The following RORA variants were observed in gnomAD, a reference collection of about 807,000 sequenced individuals.
RORA encodes the protein RAR related orphan receptor A, also known as nuclear receptor ROR-alpha.
RORA carries 7 observed loss-of-function variants against 69.5 expected under a neutral mutation model. That is an observed-to-expected ratio of 0.10 (90% CI 0.06 to 0.19). RORA has a LOEUF of 0.19. Ranked by LOEUF, RORA falls within the 10% of genes least tolerant of loss-of-function variation. The pLI is 1.00. For synonymous variants in RORA, 261 were observed against 240.8 expected, an observed-to-expected ratio of 1.08 and a Z score of -0.78; for missense variants, 457 against 663.0, an observed-to-expected ratio of 0.69 and a Z score of 3.41.
At chr15:60,686,777 T>A (rs977322900) in intron 1 of RORA, 1 of 152,300 alleles carries the variant, frequency 6.6e-6, no homozygotes, top group African/African-American at 2.4e-5. Flanking sequence ...CGGCTATAGC[T>A]GCAGCCCCCA....
At chr15:60,536,170 C>A (rs188474566) in intron 2 of RORA, among the ~76,000 whole-genome samples, 4 of 152,290 alleles carry the variant, frequency 2.6e-5, no homozygotes, top group Admixed American at 6.5e-5. Context: ...CCTCTCTGAG[C>A]CTCAGTTTCA....
At chr15:60,557,002 C>T (rs763392352) in intron 2 of RORA, 88 of 1,250,574 alleles carry the variant, frequency 7.0e-5, no homozygotes, top group Admixed American at 9.3e-5. Flanking sequence ...ATGCATAGCA[C>T]ATCCCCAAAT....
intron 1 of RORA, among the ~76,000 whole-genome samples, chr15:61,041,704 G>T (rs760845762): frequency 6.6e-6 from 1 of 152,142 alleles, no homozygotes; most frequent in Non-Finnish European, 1.5e-5. Context: ...AATTACAGGC[G>T]CGAGCCACCA....
chr15:60,620,880 C>T (rs1318753906), intron 2 of RORA, among the ~76,000 whole-genome samples: 2 of 152,234 alleles, frequency 1.3e-5, no homozygotes, highest in East Asian at 1.9e-4. Flanking sequence ...TCAGAGCCGG[C>T]ACGGAAAGTT....
chr15:60,539,456 TC>T (rs2066788850), intron 2 of RORA, among the ~76,000 whole-genome samples: 1 of 152,238 alleles, frequency 6.6e-6, no homozygotes, highest in East Asian at 1.9e-4. Context: ...AACAGATTTT[TC>T]ATCTAGAAGA....
chr15:60,802,302 T>G (rs1299755752), intron 1 of RORA, among the ~76,000 whole-genome samples: 1 of 152,232 alleles, frequency 6.6e-6, no homozygotes, highest in Non-Finnish European at 1.5e-5. Flanking sequence ...AGACCGAGTG[T>G]TTGGGCTCCA....
intron 1 of RORA, among the ~76,000 whole-genome samples, chr15:60,797,422 G>A (rs1567194706): frequency 6.6e-6 from 1 of 152,144 alleles, no homozygotes; most frequent in Non-Finnish European, 1.5e-5. Context: ...AAGGGCCTGG[G>A]TTGTACATTA....
intron 1 of RORA, among the ~76,000 whole-genome samples, chr15:60,788,137 G>A (rs184934905): frequency 1.3e-5 from 2 of 152,348 alleles, no homozygotes; most frequent in East Asian, 3.9e-4. Flanking sequence ...CATTTGAGCC[G>A]AGACAGGAAG....
chr15:60,750,539 T>C (rs879908288), intron 1 of RORA, among the ~76,000 whole-genome samples: 3 of 152,206 alleles, frequency 2.0e-5, no homozygotes, highest in Non-Finnish European at 4.4e-5. Context: ...TGACCAAACC[T>C]CAGTGAGCGT....
intron 1 of RORA, among the ~76,000 whole-genome samples, chr15:61,210,595 A>C (rs778596136): frequency 2.0e-5 from 3 of 152,202 alleles, no homozygotes; most frequent in Non-Finnish European, 4.4e-5. Flanking sequence ...CAAAAAGAGA[A>C]AGGACAGAAG....
At chr15:60,982,590 T>C (rs760778757) in intron 1 of RORA, among the ~76,000 whole-genome samples, 3 of 152,164 alleles carry the variant, frequency 2.0e-5, no homozygotes, top group Non-Finnish European at 2.9e-5. Flanking sequence ...ATTAGAATTT[T>C]CTGTAAATAA....
At chr15:60,938,930 G>A (rs763463128) in intron 1 of RORA, among the ~76,000 whole-genome samples, 6 of 152,170 alleles carry the variant, frequency 3.9e-5, no homozygotes, top group Non-Finnish European at 7.3e-5. Context: ...GCCCATGCCC[G>A]GCTTCTTAAA....
At chr15:61,039,831 G>T (rs1896653102) in intron 1 of RORA, among the ~76,000 whole-genome samples, 1 of 150,420 alleles carries the variant, frequency 6.6e-6, no homozygotes, top group South Asian at 2.1e-4. Flanking sequence ...TGTTAAAAAT[G>T]CAAATCCCCA....
chr15:60,875,698 T>C (rs908473134), intron 1 of RORA, among the ~76,000 whole-genome samples: 1 of 152,194 alleles, frequency 6.6e-6, no homozygotes, highest in Admixed American at 6.5e-5. Flanking sequence ...CTCACCAGTA[T>C]GTCCAACGGT....
At chr15:60,518,901 T>C (rs2066059114) in intron 3 of RORA, among the ~76,000 whole-genome samples, 1 of 152,254 alleles carries the variant, frequency 6.6e-6, no homozygotes, top group Non-Finnish European at 1.5e-5. Context: ...CGTTTTGCTT[T>C]CCTCGTTTCA....
chr15:61,048,920 C>A (rs181119308), intron 1 of RORA, among the ~76,000 whole-genome samples: 3 of 152,208 alleles, frequency 2.0e-5, no homozygotes, highest in African/African-American at 4.8e-5. Context: ...TCTTCCTCCA[C>A]ACCATCTTCC....
intron 1 of RORA, among the ~76,000 whole-genome samples, chr15:60,719,076 T>C (rs979165033): frequency 2.0e-5 from 3 of 152,132 alleles, no homozygotes; most frequent in African/African-American, 7.2e-5. Flanking sequence ...TAGTTAAAGA[T>C]GCAAAAGGCC....
intron 1 of RORA, among the ~76,000 whole-genome samples, chr15:60,860,186 T>C (rs984642952): frequency 1.3e-5 from 2 of 152,308 alleles, no homozygotes; most frequent in Admixed American, 6.5e-5. Flanking sequence ...CAGATGACCA[T>C]GCAAACCTTT....
At chr15:60,854,026 G>C (rs1324312795) in intron 1 of RORA, among the ~76,000 whole-genome samples, 1 of 152,174 alleles carries the variant, frequency 6.6e-6, no homozygotes, top group Non-Finnish European at 1.5e-5. Context: ...AACTTTGGGA[G>C]GCCAAGGCAG....
Sources: allele counts gnomAD v4.1 joint callset (sites outside exome capture counted in the v4.1 genomes callset), GRCh38; gene constraint gnomAD v4.1.1; transcripts MANE v1.5; gene names NCBI Gene and HGNC (gene_info 2026-07-23, HGNC 2026-07-21).